PPP1R27: variants seen among roughly 807,000 people sequenced by gnomAD.
PPP1R27 encodes dysferlin interacting protein 1.
Under a neutral mutation model 12.0 loss-of-function variants are expected in PPP1R27, and 10 were observed. That is an observed-to-expected ratio of 0.84 (90% CI 0.52 to 1.42). The LOEUF (loss-of-function observed/expected upper bound fraction) is 1.42. PPP1R27 is among the 40% of genes most tolerant of loss of function. The pLI, the probability that PPP1R27 is intolerant of heterozygous loss-of-function variation, is 0.00. For synonymous variants in PPP1R27, 98 were observed against 89.3 expected, an observed-to-expected ratio of 1.10 and a Z score of -0.55; for missense variants, 246 against 215.3, an observed-to-expected ratio of 1.14 and a Z score of -0.89.
In PPP1R27 at chr17:81,834,890, C is replaced by G. The variant is rs1251276232; in HGVS notation, c.64G>C (p.Ala22Pro). ...SPRQRRRRML[A>P]DRSVRFPNDV... ...TTAGGGAAACGCACGCTGCGATCAGCCAGCATCCGCCGCCGCCGCTGCCGT... is the reference window on the plus strand; with the variant it reads ...TTAGGGAAACGCACGCTGCGATCAGGCAGCATCCGCCGCCGCCGCTGCCGT... The change falls in exon 1 of 3, where the codon GCT becomes CCT. Residue 22 changes from alanine (A) to proline (P), a missense_variant. Ala to Pro is a conservative substitution (Grantham distance 27). Coordinates refer to ENST00000330261, the MANE Select transcript of PPP1R27 (RefSeq NM_001007533.4). 3 of 1,612,218 alleles carry G rather than the reference C, an allele frequency of 1.9e-6. No individual in the cohort carries two copies. The highest frequency in any genetic ancestry group is 2.5e-6 in the Non-Finnish European group (3 of 1,179,814).
chr17:81,834,896 T>TCCGCCG lies in PPP1R27; in HGVS notation c.52_57dup (p.Arg18_Arg19dup), dbSNP rs777476929. The TCCGCCG allele has an allele frequency of 6.2e-7, 1 of 1,611,792 alleles. No homozygotes were observed. Among genetic ancestry groups the TCCGCCG allele is most frequent in the Non-Finnish European group, 8.5e-7 (1 of 1,179,702 alleles). ...AAACGCACGCTGCGATCAGCCAGCA[T>TCCGCCG]CCGCCGCCGCCGCTGCCGTGGGCTG... On this transcript the variant is annotated inframe_insertion, in exon 1 of 3. Transcript: ENST00000330261.
Position 81,834,794 on chromosome 17 carries a change from T to C in PPP1R27, c.160A>G (p.Lys54Glu), listed in dbSNP as rs2038592797. The C allele has an allele frequency of 6.2e-7, 1 of 1,613,142 alleles. No individual in the cohort carries two copies. The highest frequency in any genetic ancestry group is 1.3e-5 in the African/African-American group (1 of 75,054). ...GGGTGGATGGTGGCCAGGGAGACTT[T>C]CCGAGTCCGGATGAAGCGCCCCACC... is the stretch of plus-strand genomic sequence containing the variant. ...EQVGRFIRTR[K>E]VSLATIHPSG... is the part of the protein sequence containing the mutation. The change falls in exon 1 of 3, where the codon AAA becomes GAA. Residue 54 changes from lysine (K) to glutamate (E), a missense_variant. Lys to Glu is a moderately conservative substitution (Grantham distance 56, BLOSUM62 1). Transcript: ENST00000330261.
In PPP1R27 at chr17:81,834,795, C is replaced by A. The variant is rs199960806; in HGVS notation, c.159G>T (p.Arg53=). ...GGTGGATGGTGGCCAGGGAGACTTT[C>A]CGAGTCCGGATGAAGCGCCCCACCT... ...LEQVGRFIRT[R]KVSLATIHPS... The change falls in exon 1 of 3, where the codon CGG becomes CGT. Residue 53 remains arginine, a synonymous_variant. Coordinates refer to ENST00000330261, the MANE Select transcript of PPP1R27 (RefSeq NM_001007533.4). 7.4e-5 allele frequency: 119 copies of A among 1,613,038 alleles called. No homozygotes were observed.
Position 81,834,817 on chromosome 17 carries a change from A to G in PPP1R27, c.137T>C (p.Val46Ala). The change falls in exon 1 of 3, where the codon GTG becomes GCG. Residue 46 changes from valine to alanine, a missense_variant. Transcript: ENST00000330261. ...DHIRQGDLEQVGRFIRTRKVS... is the reference protein window; with the variant it reads ...DHIRQGDLEQAGRFIRTRKVS... The stretch of plus-strand genomic sequence containing the variant: ...TTTCCGAGTCCGGATGAAGCGCCCC[A>G]CCTGCTCCAGGTCACCCTGCCGGAT... 6.2e-7 allele frequency: 1 copy of G among 1,613,566 alleles called. No homozygotes were observed. Among genetic ancestry groups the G allele is most frequent in the Non-Finnish European group, 8.5e-7 (1 of 1,179,882 alleles).
At position 81,834,838 on chromosome 17, in the gene PPP1R27, C is replaced by T. The variant is rs950737148; in HGVS notation, c.116G>A (p.Arg39Gln). Residue 39 changes from arginine to glutamine, a missense_variant, in exon 1 of 3, where the codon CGG becomes CAG. By Grantham distance (43) the Arg-to-Gln change is conservative. Coordinates refer to ENST00000330261, the MANE Select transcript of PPP1R27 (RefSeq NM_001007533.4). ...PNDVLFLDHI[R>Q]QGDLEQVGRF... ...CCCCACCTGCTCCAGGTCACCCTGC[C>T]GGATGTGGTCCAAGAACAGGACATC... 6 of 1,613,738 alleles carry T rather than the reference C, an allele frequency of 3.7e-6. No homozygotes were observed. In the South Asian group the frequency reaches 5.5e-5, roughly 15 times the overall value.
chr17:81,833,697 C>T lies in PPP1R27; in HGVS notation c.*32G>A. On this transcript the variant is annotated 3_prime_UTR_variant, in exon 3 of 3. Transcript: ENST00000330261. Reference sequence around the variant, plus strand: ...CGCGCGGCTTCTCCAGGGAGGCGGCCCTGGGCGCGGGGGCGGGCGGGCAAA... The same window carrying T: ...CGCGCGGCTTCTCCAGGGAGGCGGCTCTGGGCGCGGGGGCGGGCGGGCAAA... The T allele has an allele frequency of 1.3e-6, 2 of 1,540,878 alleles. No individual in the cohort carries two copies. Among genetic ancestry groups the T allele is most frequent in the South Asian group, 1.2e-5 (1 of 83,804 alleles).
Position 81,833,495 on chromosome 17 carries a change from C to T in PPP1R27, c.*234G>A, listed in dbSNP as rs1180168742. The T allele has an allele frequency of 2.0e-6, 1 of 506,668 alleles. No individual in the cohort carries two copies. Among genetic ancestry groups the T allele is most frequent in the East Asian group, 3.5e-5 (1 of 28,320 alleles). 31.4% of individuals were successfully genotyped at this position (506,668 alleles called of 1,614,324 possible). On this transcript the variant is annotated 3_prime_UTR_variant, in exon 3 of 3. Coordinates refer to ENST00000330261, the MANE Select transcript of PPP1R27 (RefSeq NM_001007533.4). ...AATCAGGACACCACCACAGGGACCA[C>T]GTGTGTAGACCCAGGCCCCCTCACC...
intron 2 of PPP1R27, chr17:81,834,185 C>T (rs2038581569): frequency 2.2e-6 from 1 of 457,524 alleles, no homozygotes; most frequent in Admixed American, 3.8e-5. Flanking sequence ...CTCACGGCAA[C>T]CTCCACTTCC....
intron 2 of PPP1R27, 104 bp from the exon 3 acceptor site, chr17:81,833,956 C>A: frequency 7.2e-7 from 1 of 1,386,778 alleles, no homozygotes; most frequent in Non-Finnish European, 9.7e-7. Flanking sequence ...TGTGTGTCCC[C>A]CACCTTGGGG....
At position 81,834,584 on chromosome 17, in the gene PPP1R27, C is replaced by G. The variant is rs752211751; in HGVS notation, c.260G>C (p.Gly87Ala). ...CTCATCTCGCTGGTGAATGTCAGCC[C>G]CGTATTTGACCAGCAGCTTCACGCA... is the stretch of plus-strand genomic sequence containing the variant. The part of the protein sequence containing the change: ...LECVKLLVKY[G>A]ADIHQRDEAG... Residue 87 changes from glycine to alanine, a missense_variant, in exon 2 of 3, where the codon GGG (glycine) becomes GCG (alanine). Gly to Ala is a moderately conservative substitution (Grantham distance 60). Transcript: ENST00000330261. 7 of 1,614,092 alleles carry G rather than the reference C, an allele frequency of 4.3e-6. No individual in the cohort carries two copies. The highest frequency in any genetic ancestry group is 1.7e-5 in the Admixed American group (1 of 60,014).
chr17:81,834,908 G>C lies in PPP1R27; in HGVS notation c.46C>G (p.Arg16Gly), dbSNP rs370229834. ...CGATCAGCCAGCATCCGCCGCCGCC[G>C]CTGCCGTGGGCTGTAGCGGGCATAG... ...ARYARYSPRQ[R>G]RRRMLADRSV... Residue 16 changes from arginine (R) to glycine (G), a missense_variant, in exon 1 of 3, where the codon CGG becomes GGG. Transcript: ENST00000330261. 5 of 1,612,120 alleles carry C rather than the reference G, an allele frequency of 3.1e-6. No homozygotes were observed. In the Admixed American group the frequency reaches 8.3e-5, roughly 27 times the overall value.
chr17:81,834,135 CT>C, intron 2 of PPP1R27: 1 of 465,104 alleles, frequency 2.2e-6, no homozygotes, highest in Non-Finnish European at 3.8e-6. Context: ...CAGAATTTCG[CT>C]CTTATCACCC....
At chr17:81,834,737 T>A (rs2038591873) in intron 1 of PPP1R27, 27 bp downstream of exon 1, 2 of 1,609,706 alleles carry the variant, frequency 1.2e-6, no homozygotes, top group South Asian at 2.2e-5. Flanking sequence ...CCACAGGCCC[T>A]GGCCAGCTCT....
At chr17:81,833,917 G>C (rs2038577913) in intron 2 of PPP1R27, 65 bp from the exon 3 acceptor site, 1 of 1,549,804 alleles carries the variant, frequency 6.5e-7, no homozygotes, top group African/African-American at 1.4e-5. Context: ...CCCCAACCCG[G>C]GTCAGAGGGC....
In PPP1R27 at chr17:81,834,057, C is replaced by T. The variant is rs2143282095; in HGVS notation, c.342-205G>A. The T allele has an allele frequency of 6.9e-6, 4 of 579,272 alleles. No homozygotes were observed. The East Asian group carries it at 1.2e-4, about 17-fold the overall frequency. 35.9% of individuals were successfully genotyped at this position (579,272 alleles called of 1,614,324 possible). A position where few individuals can be genotyped will look rare whatever the true frequency, so the allele number is the denominator to read the frequency against. ...AAGTTGGTTCTATTGAGGACAAAGG[C>T]AGAAACAGGATTCCAGAAGCCTCTA... On this transcript the variant is annotated intron_variant, in intron 2 of 2. Coordinates refer to ENST00000330261, the MANE Select transcript of PPP1R27 (RefSeq NM_001007533.4).
rs201778865 is a variant in PPP1R27, at chr17:81,834,508, T to C, written c.336A>G (p.Ile112Met). 4.9e-4 allele frequency: 789 copies of C among 1,613,974 alleles called. 8 individuals carry two copies. The South Asian group carries it at 8.3e-3, about 17-fold the overall frequency. Residue 112 changes from isoleucine (I) to methionine (M), a missense_variant, in exon 2 of 3, where the codon ATA (isoleucine) becomes ATG (methionine). Physicochemically the swap from Ile to Met is conservative, Grantham distance 10. Transcript: ENST00000330261. ...TAGACCCAGGGCCCCCTCACCTGGC[T>C]ATGTCAGGGTACCCATCGCTGCAGG... ...HIACSDGYPDIARYLISLGAD... is the reference protein window; with the variant it reads ...HIACSDGYPDMARYLISLGAD...
At chr17:81,834,427 G>A (rs1284065320) in intron 2 of PPP1R27, 76 bp downstream of exon 2, 3 of 1,528,518 alleles carry the variant, frequency 2.0e-6, no homozygotes, top group African/African-American at 2.7e-5. Context: ...GCTACATTTT[G>A]GGGCTCCCAT....
chr17:81,834,720 C>T (rs2038591543), intron 1 of PPP1R27, 44 bp downstream of exon 1: 1 of 1,609,428 alleles, frequency 6.2e-7, no homozygotes, highest in Middle Eastern at 1.7e-4. Context: ...TGGCCTCTCC[C>T]ACCACCCCAC....
chr17:81,834,876 C>T lies in PPP1R27; in HGVS notation c.78G>A (p.Val26=). 1 of 1,613,270 alleles carries T rather than the reference C, an allele frequency of 6.2e-7. No homozygotes were observed. The highest frequency in any genetic ancestry group is 8.5e-7 in the Non-Finnish European group (1 of 1,179,986). The change falls in exon 1 of 3, where the codon GTG becomes GTA. Residue 26 remains valine, a synonymous_variant. Coordinates refer to ENST00000330261, the MANE Select transcript of PPP1R27 (RefSeq NM_001007533.4). ...RRRRMLADRS[V]RFPNDVLFLD... is the part of the protein sequence containing the mutation. ...AGAACAGGACATCATTAGGGAAACGCACGCTGCGATCAGCCAGCATCCGCC... is the reference window on the plus strand; with the variant it reads ...AGAACAGGACATCATTAGGGAAACGTACGCTGCGATCAGCCAGCATCCGCC...
Sources: allele counts gnomAD v4.1 joint callset, GRCh38; gene constraint gnomAD v4.1.1; transcripts MANE v1.5; gene names NCBI Gene and HGNC (gene_info 2026-07-23, HGNC 2026-07-21).